Variants in DOCK1 observed in about 807,000 individuals in gnomAD.
The protein encoded by DOCK1 is dedicator of cytokinesis protein 1.
DOCK1 carries 138 observed loss-of-function variants against 262.7 expected under a neutral mutation model. The ratio of observed to expected loss-of-function variants is 0.53; its 90% CI spans 0.46 to 0.61. The LOEUF (loss-of-function observed/expected upper bound fraction) is 0.61. Ranked by LOEUF, DOCK1 falls within the 20% of genes least tolerant of loss-of-function variation. DOCK1 has a pLI of 0.00. For synonymous variants in DOCK1, 866 were observed against 867.4 expected (o/e 1.00, Z 0.03); for missense variants, 1,908 against 2,370.7 (o/e 0.80, Z 4.05).
intron 25 of DOCK1, among the ~76,000 whole-genome samples, chr10:127,122,766 G>A (rs552944658): frequency 3.9e-5 from 6 of 152,118 alleles, no homozygotes; most frequent in East Asian, 1.9e-4. Context: ...TGAAGGTAGC[G>A]CAGTCCTCCA....
At position 127,036,980 on chromosome 10, in the gene DOCK1, G is replaced by GAAAAAAA. The variant is rs1591765531; in HGVS notation, c.1913-739_1913-738insAAAAAAA. ...CAGCAAGAGCGAAACGCCATCTCAA[G>GAAAAAAA]GAAAAAAAAAAAAAAAAGAAAAAGA... On this transcript the variant is annotated intron_variant, in intron 18 of 51. Transcript: ENST00000623213. Among the ~76,000 whole-genome samples, 6 of 24,594 alleles carry GAAAAAAA rather than the reference G, an allele frequency of 2.4e-4. No individual in the cohort carries two copies. In the East Asian group the frequency reaches 5.7e-3, roughly 24 times the overall value. The allele number at this position is 24,594 out of a possible 152,430, so 16.1% of individuals were successfully genotyped here.
intron 29 of DOCK1, among the ~76,000 whole-genome samples, chr10:127,260,647 G>C (rs545273249): frequency 1.7e-4 from 26 of 150,168 alleles, no homozygotes; most frequent in African/African-American, 6.2e-4. Flanking sequence ...GTGTACCCGT[G>C]CTCATCTGTG....
intron 23 of DOCK1, among the ~76,000 whole-genome samples, chr10:127,062,100 C>A (rs1195123387): frequency 6.6e-6 from 1 of 151,820 alleles, no homozygotes; most frequent in Non-Finnish European, 1.5e-5. Context: ...CCATGCCTGG[C>A]AAATTTTTTT....
chr10:127,031,567 G>A, intron 16 of DOCK1, 83 bp from the exon 17 acceptor site: 1 of 1,052,204 alleles, frequency 9.5e-7, no homozygotes, highest in Non-Finnish European at 1.4e-6. Flanking sequence ...TTTTCATAAA[G>A]GTAGCCTTTG....
intron 25 of DOCK1, among the ~76,000 whole-genome samples, chr10:127,115,381 T>A (rs1267821071): frequency 1.3e-5 from 2 of 152,176 alleles, no homozygotes; most frequent in African/African-American, 4.8e-5. Context: ...CTTGACTACT[T>A]GAAAGCTGGT....
intron 46 of DOCK1, among the ~76,000 whole-genome samples, chr10:127,423,715 T>C (rs1013845692): frequency 6.6e-6 from 1 of 152,220 alleles, no homozygotes; most frequent in Non-Finnish European, 1.5e-5. Context: ...ATGACTGTTG[T>C]GTCCAGGGGT....
chr10:127,227,360 G>A (rs1262217700), intron 27 of DOCK1, among the ~76,000 whole-genome samples: 1 of 152,176 alleles, frequency 6.6e-6, no homozygotes, highest in African/African-American at 2.4e-5. Flanking sequence ...CTGCCAGTGC[G>A]GGCCTGCCTC....
chr10:126,963,637 T>C (rs1311116839), intron 1 of DOCK1, among the ~76,000 whole-genome samples: 1,232 of 57,536 alleles, frequency 0.021, 107 homozygotes, highest in African/African-American at 0.054. Context: ...TCCCTTCCCT[T>C]CCCTCCTTCC....
intron 12 of DOCK1, among the ~76,000 whole-genome samples, chr10:127,014,523 A>G (rs1417846266): frequency 3.3e-5 from 5 of 152,218 alleles, no homozygotes; most frequent in Admixed American, 3.3e-4. Flanking sequence ...GATTTCTAAT[A>G]TTAAGTGTTA....
At chr10:127,270,882 C>A (rs1466764951) in intron 29 of DOCK1, among the ~76,000 whole-genome samples, 2 of 152,058 alleles carry the variant, frequency 1.3e-5, no homozygotes, top group African/African-American at 4.8e-5. Flanking sequence ...CTCGCCTTTC[C>A]TTAATATCTG....
intron 23 of DOCK1, among the ~76,000 whole-genome samples, chr10:127,098,389 A>G (rs1331229768): frequency 1.3e-5 from 2 of 152,158 alleles, no homozygotes. Flanking sequence ...GTGCACGCTG[A>G]GGAGGTTTTC....
chr10:127,374,529 A>G (rs1215805816), intron 35 of DOCK1, among the ~76,000 whole-genome samples: 1 of 152,200 alleles, frequency 6.6e-6, no homozygotes, highest in Non-Finnish European at 1.5e-5. Context: ...TTAGGAGACC[A>G]TAAACGCGTG....
chr10:127,119,074 C>T (rs138543767), intron 25 of DOCK1, among the ~76,000 whole-genome samples: 132 of 147,282 alleles, frequency 9.0e-4, no homozygotes, highest in African/African-American at 3.1e-3. Flanking sequence ...GACGGAGTCT[C>T]GCTCTGTCAC....
intron 27 of DOCK1, among the ~76,000 whole-genome samples, chr10:127,129,694 A>G (rs1421853504): frequency 6.6e-6 from 1 of 152,176 alleles, no homozygotes; most frequent in Non-Finnish European, 1.5e-5. Flanking sequence ...TGGAACTGGA[A>G]AGGGCCTTAT....
chr10:127,398,030 C>T (rs533496015), intron 38 of DOCK1, among the ~76,000 whole-genome samples: 10 of 152,278 alleles, frequency 6.6e-5, no homozygotes, highest in Non-Finnish European at 1.5e-4. Context: ...TCCTGTGTGA[C>T]ATGCAGTGGC....
chr10:127,089,019 A>G (rs1485491576), intron 23 of DOCK1, among the ~76,000 whole-genome samples: 2 of 152,078 alleles, frequency 1.3e-5, no homozygotes, highest in South Asian at 2.1e-4. Flanking sequence ...GTCACTCCCC[A>G]CAGACTTCAC....
intron 29 of DOCK1, among the ~76,000 whole-genome samples, chr10:127,277,162 T>C (rs1428060904): frequency 6.6e-6 from 1 of 152,210 alleles, no homozygotes; most frequent in African/African-American, 2.4e-5. Context: ...CAGCAGTGAT[T>C]CAAATGGCCT....
chr10:127,158,625 A>G (rs1351320312), intron 27 of DOCK1, among the ~76,000 whole-genome samples: 3 of 152,196 alleles, frequency 2.0e-5, no homozygotes, highest in Non-Finnish European at 4.4e-5. Context: ...AGAATAACAC[A>G]CTTACCTATT....
intron 22 of DOCK1, among the ~76,000 whole-genome samples, chr10:127,053,290 G>C (rs1045771167): frequency 6.6e-6 from 1 of 152,242 alleles, no homozygotes; most frequent in Non-Finnish European, 1.5e-5. Flanking sequence ...TGCAGCGAGC[G>C]GAGATCGCGC....
Sources: allele counts gnomAD v4.1 joint callset (sites outside exome capture counted in the v4.1 genomes callset), GRCh38; gene constraint gnomAD v4.1.1; transcripts MANE v1.5; gene names NCBI Gene and HGNC (gene_info 2026-07-23, HGNC 2026-07-21).